Variants in PRR16 observed in about 807,000 individuals in gnomAD.
PRR16 encodes the protein proline rich 16, also known as protein Largen.
In PRR16, 6 loss-of-function variants were observed where a neutral mutation model predicts 18.2. The ratio of observed to expected loss-of-function variants is 0.33; its 90% CI spans 0.18 to 0.65. The LOEUF (loss-of-function observed/expected upper bound fraction) is 0.65. PRR16 is among the 30% of genes least tolerant of loss of function. PRR16 has a pLI of 0.74. For synonymous variants in PRR16, 151 were observed against 147.8 expected (o/e 1.02, Z -0.16); for missense variants, 412 against 376.6 (o/e 1.09, Z -0.78).
At chr5:120,763,097 T>C in the PRR16 span, among the ~76,000 whole-genome samples, 1 of 152,030 alleles carries the variant, frequency 6.6e-6, no homozygotes, top group Admixed American at 6.6e-5. Context: ...AATATGTGGA[T>C]TTGTTTCTGG....
At chr5:120,593,513 C>A (rs1455440327) in intron 1 of PRR16, among the ~76,000 whole-genome samples, 1 of 124,002 alleles carries the variant, frequency 8.1e-6, no homozygotes, top group Non-Finnish European at 1.8e-5. Context: ...TAATAAATAC[C>A]CTACCAAGAA....
intron 1 of PRR16, among the ~76,000 whole-genome samples, chr5:120,504,332 T>C (rs576150530): frequency 6.6e-6 from 1 of 152,368 alleles, no homozygotes; most frequent in South Asian, 2.1e-4. Context: ...AGTAGTCTTT[T>C]GAAGTCTTAC....
At chr5:120,702,249 TCGGGG>T in the PRR16 span, among the ~76,000 whole-genome samples, 2 of 66,264 alleles carry the variant, frequency 3.0e-5, no homozygotes, top group Non-Finnish European at 6.6e-5. Flanking sequence ...AAATAAGGGG[TCGGGG>T]CACGGAAATA....
chr5:120,502,050 G>T (rs1750478145), intron 1 of PRR16, among the ~76,000 whole-genome samples: 1 of 148,546 alleles, frequency 6.7e-6, no homozygotes. Context: ...CTCAAATGAA[G>T]TACGTTAATA....
At chr5:120,717,596 C>G in the PRR16 span, among the ~76,000 whole-genome samples, 1 of 152,062 alleles carries the variant, frequency 6.6e-6, no homozygotes, top group Admixed American at 6.6e-5. Flanking sequence ...ATATGCAGTC[C>G]TTTTCTTCTT....
At chr5:120,656,997 G>A (rs1207577665) in intron 1 of PRR16, among the ~76,000 whole-genome samples, 1 of 151,922 alleles carries the variant, frequency 6.6e-6, no homozygotes, top group Non-Finnish European at 1.5e-5. Flanking sequence ...TAACTTTATA[G>A]GAGCCACGTG....
chr5:120,611,308 A>C (rs1445175739), intron 1 of PRR16, among the ~76,000 whole-genome samples: 1 of 152,200 alleles, frequency 6.6e-6, no homozygotes, highest in East Asian at 1.9e-4. Flanking sequence ...GCAGAAATTC[A>C]AGCCAGCTGC....
At chr5:120,476,239 C>T (rs1264170572) in intron 1 of PRR16, among the ~76,000 whole-genome samples, 1 of 152,142 alleles carries the variant, frequency 6.6e-6, no homozygotes, top group Non-Finnish European at 1.5e-5. Context: ...TCAAACCCAG[C>T]CTTCCAGCCT....
chr5:120,770,474 AC>A, the PRR16 span, among the ~76,000 whole-genome samples: 1 of 152,050 alleles, frequency 6.6e-6, no homozygotes, highest in Non-Finnish European at 1.5e-5. Context: ...AAACTACCAG[AC>A]AAAAACATAA....
At chr5:120,752,739 A>C in the PRR16 span, among the ~76,000 whole-genome samples, 1 of 151,980 alleles carries the variant, frequency 6.6e-6, no homozygotes, top group Admixed American at 6.6e-5. Context: ...ATTTCTTCGT[A>C]GGTTTATAAA....
intron 1 of PRR16, among the ~76,000 whole-genome samples, chr5:120,671,385 A>T (rs996892801): frequency 2.0e-5 from 3 of 152,128 alleles, no homozygotes; most frequent in African/African-American, 7.2e-5. Flanking sequence ...TCATGAATAC[A>T]TCCTACCATC....
At chr5:120,752,597 C>A in the PRR16 span, among the ~76,000 whole-genome samples, 1 of 151,884 alleles carries the variant, frequency 6.6e-6, no homozygotes, top group East Asian at 1.9e-4. Flanking sequence ...TGAAATGATA[C>A]CATTATGTGA....
chr5:120,541,128 CGTT>C (rs963219108), intron 1 of PRR16, among the ~76,000 whole-genome samples: 19 of 151,982 alleles, frequency 1.3e-4, no homozygotes, highest in African/African-American at 3.6e-4. Flanking sequence ...ATGACTGTTT[CGTT>C]GTTGTTGTTT....
chr5:120,575,120 G>A (rs1389259402), intron 1 of PRR16, among the ~76,000 whole-genome samples: 1 of 136,262 alleles, frequency 7.3e-6, no homozygotes, highest in Non-Finnish European at 1.5e-5. Flanking sequence ...TTTGTCAAAG[G>A]TATGTATGTG....
intron 1 of PRR16, among the ~76,000 whole-genome samples, chr5:120,662,362 T>G (rs1756202191): frequency 6.6e-6 from 1 of 152,148 alleles, no homozygotes. Context: ...ATAACTCAGT[T>G]GCAATCATGT....
chr5:120,708,295 C>T, the PRR16 span, among the ~76,000 whole-genome samples: 2 of 152,110 alleles, frequency 1.3e-5, no homozygotes, highest in Non-Finnish European at 2.9e-5. Flanking sequence ...ACAAAAAGTT[C>T]CTCTTTGTGG....
chr5:120,615,647 T>A (rs1754486913), intron 1 of PRR16, among the ~76,000 whole-genome samples: 1 of 152,130 alleles, frequency 6.6e-6, no homozygotes, highest in African/African-American at 2.4e-5. Flanking sequence ...GTTTTAACCA[T>A]AAAATTAATA....
chr5:120,571,749 A>T (rs1752912891), intron 1 of PRR16, among the ~76,000 whole-genome samples: 2 of 152,126 alleles, frequency 1.3e-5, no homozygotes, highest in Non-Finnish European at 2.9e-5. Flanking sequence ...TATAATGACA[A>T]TTGTTGTATT....
intron 1 of PRR16, among the ~76,000 whole-genome samples, chr5:120,671,865 T>G (rs1438340535): frequency 1.3e-5 from 2 of 152,162 alleles, no homozygotes; most frequent in Admixed American, 1.3e-4. Context: ...ACATAACTTA[T>G]TTACCACCCA....
Sources: gnomAD v4.1 joint callset for allele counts (sites outside exome capture counted in the v4.1 genomes callset) on GRCh38, gnomAD v4.1.1 for gene constraint, MANE v1.5 for transcripts, NCBI Gene and HGNC (gene_info 2026-07-23, HGNC 2026-07-21) for gene names.